EHBP1: variants seen among roughly 807,000 people sequenced by gnomAD.
EHBP1 encodes the protein EH domain binding protein 1, also known as EH domain-binding protein 1.
In EHBP1, 55 loss-of-function variants were observed where a neutral mutation model predicts 144.0. The ratio of observed to expected loss-of-function variants is 0.38; its 90% confidence interval spans 0.31 to 0.48. EHBP1 has a LOEUF of 0.48. Among genes scored for constraint, EHBP1 ranks in the 20% least tolerant of loss-of-function variants. EHBP1 has a pLI of 0.98. For synonymous variants in EHBP1, 469 were observed against 472.7 expected (o/e 0.99, Z 0.10); for missense variants, 1,200 against 1,364.2 (o/e 0.88, Z 1.90).
chr2:62,928,444 A>G (rs1202625865), intron 10 of EHBP1, among the ~76,000 whole-genome samples: 10 of 152,082 alleles, frequency 6.6e-5, no homozygotes, highest in Admixed American at 6.6e-4. Context: ...TTTTATCAAC[A>G]CTACCTCCAA....
chr2:62,711,226 A>C (rs888866149), intron 2 of EHBP1, among the ~76,000 whole-genome samples: 3 of 152,228 alleles, frequency 2.0e-5, no homozygotes, highest in Admixed American at 2.0e-4. Flanking sequence ...AGTAAAATGC[A>C]TCCATTTTAA....
intron 3 of EHBP1, among the ~76,000 whole-genome samples, chr2:62,751,463 T>A (rs1258625317): frequency 2.0e-5 from 3 of 152,202 alleles, no homozygotes; most frequent in South Asian, 2.1e-4. Flanking sequence ...GCTGTGTCTG[T>A]GCCAGGCTTT....
chr2:63,003,077 T>C (rs559625681), intron 19 of EHBP1, among the ~76,000 whole-genome samples: 3 of 152,218 alleles, frequency 2.0e-5, no homozygotes, highest in South Asian at 2.1e-4. Flanking sequence ...TTAATGATTA[T>C]ACCTAGACTT....
chr2:62,872,945 C>A (rs2050602490), intron 9 of EHBP1, among the ~76,000 whole-genome samples: 1 of 152,150 alleles, frequency 6.6e-6, no homozygotes, highest in African/African-American at 2.4e-5. Flanking sequence ...GTAGAGGCTT[C>A]TTGTCCTTAT....
Position 62,852,233 on chromosome 2 carries a change from T to G in EHBP1, c.635-6936T>G, listed in dbSNP as rs150377149. Among the ~76,000 whole-genome samples the G allele has an allele frequency of 1.8e-3, 270 of 152,224 alleles. 2 individuals are homozygous for G. The East Asian group carries it at 0.018, about 10-fold the overall frequency. On this transcript the variant is annotated intron_variant, in intron 7 of 22. Coordinates refer to ENST00000431489, the MANE Select transcript of EHBP1 (RefSeq NM_001142616.3). ...GCTATATAAAGAAAAGTGCAAATAC[T>G]TGAGCACTGTGTAAACATTTTTTGA... is the stretch of plus-strand genomic sequence containing the variant.
At chr2:62,675,729 G>A (rs2033262818) in intron 1 of EHBP1, among the ~76,000 whole-genome samples, 2 of 152,298 alleles carry the variant, frequency 1.3e-5, no homozygotes, top group South Asian at 4.1e-4. Context: ...GAGTCTTTGA[G>A]TTTGAATTCA....
intron 10 of EHBP1, chr2:62,940,264 T>G: frequency 3.8e-6 from 1 of 259,880 alleles, no homozygotes; most frequent in Non-Finnish European, 7.9e-6. Context: ...GAGTTGAGGT[T>G]GAAGTCACCA....
intron 5 of EHBP1, among the ~76,000 whole-genome samples, chr2:62,821,346 A>G (rs1057276358): frequency 1.3e-5 from 2 of 152,150 alleles, no homozygotes; most frequent in Non-Finnish European, 2.9e-5. Flanking sequence ...TTCTGTAAGG[A>G]AACTAACTTG....
intron 14 of EHBP1, among the ~76,000 whole-genome samples, chr2:62,968,611 C>T (rs2058351917): frequency 6.6e-6 from 1 of 152,122 alleles, no homozygotes; most frequent in East Asian, 1.9e-4. Flanking sequence ...TTTTGCAGAA[C>T]ACTTTAACAC....
At chr2:62,756,065 A>G (rs562325948) in intron 3 of EHBP1, among the ~76,000 whole-genome samples, 1 of 152,024 alleles carries the variant, frequency 6.6e-6, no homozygotes, top group South Asian at 2.1e-4. Context: ...CTGGAGTCCA[A>G]GAGTTTGAGA....
intron 8 of EHBP1, among the ~76,000 whole-genome samples, chr2:62,863,841 T>TTG (rs1553451152): frequency 1.0e-4 from 7 of 68,886 alleles, no homozygotes; most frequent in Non-Finnish European, 2.4e-4. Context: ...TTCTGTGTTG[T>TTG]TTTTTTTTTT....
chr2:62,847,296 A>G (rs1010013820), intron 7 of EHBP1, among the ~76,000 whole-genome samples: 1 of 152,212 alleles, frequency 6.6e-6, no homozygotes, highest in African/African-American at 2.4e-5. Context: ...CTCCACATAC[A>G]TTAATTCAGT....
chr2:63,023,429 CT>C (rs1181203447), intron 19 of EHBP1, among the ~76,000 whole-genome samples: 1 of 152,182 alleles, frequency 6.6e-6, no homozygotes, highest in Non-Finnish European at 1.5e-5. Context: ...AGACAGTGGA[CT>C]TTACCTGTAA....
Position 62,945,860 on chromosome 2 carries a change from A to G in EHBP1, c.1413+2010A>G, listed in dbSNP as rs75292669. Among the ~76,000 whole-genome samples, 194 of 152,364 alleles carry G rather than the reference A, an allele frequency of 1.3e-3. 3 individuals are homozygous for G. The East Asian group carries it at 0.033, about 26-fold the overall frequency. On this transcript the variant is annotated intron_variant, in intron 12 of 22. Coordinates refer to ENST00000431489, the MANE Select transcript of EHBP1 (RefSeq NM_001142616.3). The stretch of plus-strand genomic sequence containing the variant: ...CTATTGAAATATGCCACCAAAAAAA[A>G]GATAATCTTTAAAAATCAGTATAGT...
At chr2:62,921,052 A>T (rs1362584194) in intron 10 of EHBP1, among the ~76,000 whole-genome samples, 1 of 152,208 alleles carries the variant, frequency 6.6e-6, no homozygotes, top group Admixed American at 6.5e-5. Context: ...ATCAACAGCT[A>T]AAAGGTTATT....
chr2:62,737,955 A>C (rs1218362274), intron 2 of EHBP1, among the ~76,000 whole-genome samples: 1 of 151,936 alleles, frequency 6.6e-6, no homozygotes, highest in Non-Finnish European at 1.5e-5. Flanking sequence ...TGTAGAGACA[A>C]GGTCTCACTA....
intron 3 of EHBP1, among the ~76,000 whole-genome samples, chr2:62,760,409 G>A (rs757055819): frequency 6.6e-6 from 1 of 152,164 alleles, no homozygotes; most frequent in Non-Finnish European, 1.5e-5. Flanking sequence ...TAAGAAAGAA[G>A]CAGTGTACTA....
intron 3 of EHBP1, among the ~76,000 whole-genome samples, chr2:62,753,197 A>G (rs1414547254): frequency 3.9e-5 from 6 of 152,032 alleles, no homozygotes; most frequent in East Asian, 3.9e-4. Flanking sequence ...GGCAGGCCTG[A>G]TGGTGACAAA....
Position 62,826,232 on chromosome 2 carries a change from C to T in EHBP1, c.458C>T (p.Ser153Leu). The T allele has an allele frequency of 6.3e-7, 1 of 1,598,454 alleles. No homozygotes were observed. The highest frequency in any genetic ancestry group is 8.5e-7 in the Non-Finnish European group (1 of 1,175,818). The change falls in exon 6 of 23, where the codon TCA (serine) becomes TTA (leucine). Residue 153 changes from serine to leucine, a missense_variant. Transcript: ENST00000431489. ...KKVVSAALQF[S>L]LSCIFLREGK... ...GTTGTATCTGCCGCTCTTCAGTTTT[C>T]ATTATCTTGCATTTTTCTGAGGGAA...
Sources: gnomAD v4.1 joint callset for allele counts (sites outside exome capture counted in the v4.1 genomes callset) on GRCh38, gnomAD v4.1.1 for gene constraint, MANE v1.5 for transcripts, NCBI Gene and HGNC (gene_info 2026-07-23, HGNC 2026-07-21) for gene names.